TMEM117: variants seen among roughly 807,000 people sequenced by gnomAD.
TMEM117 encodes transmembrane protein 117.
Under a neutral mutation model 52.4 loss-of-function variants are expected in TMEM117, and 27 were observed. The ratio of observed to expected loss-of-function variants is 0.51; its 90% CI spans 0.38 to 0.71. The LOEUF (loss-of-function observed/expected upper bound fraction) is 0.71. Among genes scored for constraint, TMEM117 ranks in the 30% least tolerant of loss-of-function variants. TMEM117 has a pLI of 0.00. For missense variants in TMEM117, 556 were observed against 630.5 expected (o/e 0.88, Z 1.26); for synonymous variants, 215 against 206.3 (o/e 1.04, Z -0.36).
chr12:44,069,274 G>A (rs370914794), intron 3 of TMEM117, among the ~76,000 whole-genome samples: 1 of 152,130 alleles, frequency 6.6e-6, no homozygotes, highest in East Asian at 1.9e-4. Context: ...ATATATATGG[G>A]ATTTATATTA....
At chr12:43,868,097 T>TAC (rs776905317) in intron 2 of TMEM117, among the ~76,000 whole-genome samples, 1,235 of 60,278 alleles carry the variant, frequency 0.02, 16 homozygotes, top group Middle Eastern at 0.036. Flanking sequence ...AAATCAAATA[T>TAC]ACACACACAC....
At chr12:43,994,923 G>A (rs1946001995) in intron 3 of TMEM117, among the ~76,000 whole-genome samples, 1 of 152,114 alleles carries the variant, frequency 6.6e-6, no homozygotes, top group Non-Finnish European at 1.5e-5. Context: ...CAATCCAACA[G>A]CAATCTTATA....
the TMEM117 span, chr12:43,804,153 T>C: frequency 2.6e-6 from 1 of 386,348 alleles, no homozygotes; most frequent in Non-Finnish European, 5.1e-6. Context: ...CACAAGTAAC[T>C]ATTTTTTTTT....
intron 3 of TMEM117, among the ~76,000 whole-genome samples, chr12:44,089,032 C>T (rs982733409): frequency 6.6e-6 from 1 of 152,092 alleles, no homozygotes; most frequent in African/African-American, 2.4e-5. Flanking sequence ...CAAAAGGGAC[C>T]TGGTCAAATG....
chr12:44,389,871 A>G (rs1476105071), downstream of TMEM117: 2 of 152,100 alleles, frequency 1.3e-5, no homozygotes, highest in Admixed American at 6.6e-5. Flanking sequence ...CACACTGCCA[A>G]CTTGCTTTCA....
intron 5 of TMEM117, among the ~76,000 whole-genome samples, chr12:44,268,475 A>G (rs1950406734): frequency 6.6e-6 from 1 of 152,024 alleles, no homozygotes; most frequent in South Asian, 2.1e-4. Context: ...GGAGAAATGA[A>G]GTCATTTTTA....
chr12:44,117,535 G>T (rs941489197), intron 3 of TMEM117, among the ~76,000 whole-genome samples: 4 of 152,002 alleles, frequency 2.6e-5, no homozygotes, highest in Admixed American at 2.6e-4. Flanking sequence ...CAGTTCCTCT[G>T]CTTGGGTTTG....
chr12:43,928,885 A>G (rs1944826413), intron 2 of TMEM117, among the ~76,000 whole-genome samples: 1 of 151,630 alleles, frequency 6.6e-6, no homozygotes, highest in Admixed American at 6.6e-5. Context: ...GAGAATAATG[A>G]TTTCCAATTT....
At chr12:44,328,334 A>G (rs1345927820) in intron 6 of TMEM117, among the ~76,000 whole-genome samples, 2 of 145,984 alleles carry the variant, frequency 1.4e-5, no homozygotes, top group African/African-American at 5.6e-5. Flanking sequence ...GCGCTGACTC[A>G]AATTGAATTG....
intron 3 of TMEM117, among the ~76,000 whole-genome samples, chr12:43,961,002 A>C (rs887986232): frequency 1.3e-5 from 2 of 152,126 alleles, no homozygotes; most frequent in African/African-American, 4.8e-5. Flanking sequence ...ATATAATAGA[A>C]ACAGCATGGA....
rs957721700 is a variant in TMEM117 at position 44,102,923 on chromosome 12, C to T, written c.411-40602C>T. 3.3e-5 allele frequency among the ~76,000 whole-genome samples: 5 copies of T among 151,974 alleles called. No individual in the cohort carries two copies. The East Asian group carries it at 9.7e-4, about 29-fold the overall frequency. ...TGGTTTTATAAGGAGATTTTCCCTC[C>T]TTTGCTCTGCACTTTTCCTTGCCAC... On this transcript the variant is annotated intron_variant, in intron 3 of 7. Coordinates refer to ENST00000266534, the MANE Select transcript of TMEM117 (RefSeq NM_032256.3).
intron 2 of TMEM117, among the ~76,000 whole-genome samples, chr12:43,872,678 T>A (rs1943726286): frequency 6.6e-6 from 1 of 152,228 alleles, no homozygotes; most frequent in Non-Finnish European, 1.5e-5. Context: ...TATTTTTGAA[T>A]CTTTCCATCT....
the TMEM117 span, among the ~76,000 whole-genome samples, chr12:43,801,311 G>C: frequency 6.6e-6 from 1 of 152,090 alleles, no homozygotes; most frequent in African/African-American, 2.4e-5. Context: ...TCTATGGAAA[G>C]CTACTAAAGA....
chr12:44,299,538 T>G (rs1950811898), intron 5 of TMEM117, 42 bp from the exon 6 acceptor site: 1 of 1,607,498 alleles, frequency 6.2e-7, no homozygotes, highest in Admixed American at 1.7e-5. Flanking sequence ...GTATCTATAT[T>G]TTATGCCTTA....
intron 4 of TMEM117, among the ~76,000 whole-genome samples, chr12:44,210,115 A>G (rs998195690): frequency 4.6e-5 from 7 of 152,174 alleles, no homozygotes; most frequent in Middle Eastern, 3.2e-3. Context: ...TACTCAATGC[A>G]GTAAACCTCA....
chr12:44,187,168 T>G (rs1185523984), intron 4 of TMEM117, among the ~76,000 whole-genome samples: 1 of 152,164 alleles, frequency 6.6e-6, no homozygotes, highest in Non-Finnish European at 1.5e-5. Flanking sequence ...ATGTGCTTTT[T>G]CATTATATCC....
intron 3 of TMEM117, among the ~76,000 whole-genome samples, chr12:43,983,546 C>A (rs971148569): frequency 1.3e-5 from 1 of 79,374 alleles, no homozygotes; most frequent in African/African-American, 4.6e-5. Context: ...TTTGCACCAA[C>A]CGTGTGTGTG....
At chr12:44,392,233 AAG>A (rs1246462096), downstream of TMEM117, among the ~76,000 whole-genome samples, 1 of 152,184 alleles carries the variant, frequency 6.6e-6, no homozygotes, top group African/African-American at 2.4e-5. Flanking sequence ...AAACTAGAAA[AAG>A]AGGTGGATAT....
rs543213024 is a variant in TMEM117, at chr12:44,021,464, G to T, written c.410+77122G>T. 6.6e-5 allele frequency among the ~76,000 whole-genome samples: 10 copies of T among 152,254 alleles called. No individual in the cohort carries two copies. The South Asian group carries it at 2.1e-3, about 32-fold the overall frequency. On this transcript the variant is annotated intron_variant, in intron 3 of 7. Transcript: ENST00000266534. ...TATAGAACGGGCTAAAGAAGGCCCT[G>T]GTGTATTAGCTTGATTTGGCCTCTG...
Sources: allele counts gnomAD v4.1 joint callset (sites outside exome capture counted in the v4.1 genomes callset), GRCh38; gene constraint gnomAD v4.1.1; transcripts MANE v1.5; gene names NCBI Gene and HGNC (gene_info 2026-07-23, HGNC 2026-07-21).